Variants in SUPT3H observed in about 807,000 individuals in gnomAD.
SUPT3H encodes the protein transcription initiation protein SPT3 homolog.
SUPT3H carries 44 observed loss-of-function variants against 44.3 expected under a neutral mutation model. That is an observed-to-expected ratio of 0.99 (90% CI 0.78 to 1.28). The LOEUF (loss-of-function observed/expected upper bound fraction) is 1.28, where lower values mean the gene tolerates loss of function less well. Ranked by LOEUF, SUPT3H falls within the 50% of genes most tolerant of loss-of-function variation. SUPT3H has a pLI of 0.00. For missense variants in SUPT3H, 380 were observed against 387.1 expected, an observed-to-expected ratio of 0.98 and a Z score of 0.15; for synonymous variants, 124 against 125.6, an observed-to-expected ratio of 0.99 and a Z score of 0.09.
chr6:44,882,310 A>G (rs954658563), intron 10 of SUPT3H, among the ~76,000 whole-genome samples: 3 of 152,214 alleles, frequency 2.0e-5, no homozygotes, highest in South Asian at 4.1e-4. Context: ...TGCTGGACAC[A>G]TACACCCTCC....
chr6:44,956,534 G>T (rs1775249356), intron 7 of SUPT3H, among the ~76,000 whole-genome samples: 1 of 142,108 alleles, frequency 7.0e-6, no homozygotes. Flanking sequence ...TACCAGAATG[G>T]CTCAAAGTTG....
intron 2 of SUPT3H, among the ~76,000 whole-genome samples, chr6:45,312,715 C>G: frequency 7.4e-6 from 1 of 134,236 alleles, no homozygotes; most frequent in African/African-American, 2.9e-5. Context: ...ACTCCACTGA[C>G]AGCACTAGAC....
chr6:45,341,692 G>A (rs1355927472), intron 2 of SUPT3H, among the ~76,000 whole-genome samples: 3 of 152,030 alleles, frequency 2.0e-5, no homozygotes, highest in African/African-American at 7.2e-5. Flanking sequence ...AATAACTACG[G>A]AATAACAGAT....
intron 3 of SUPT3H, among the ~76,000 whole-genome samples, chr6:45,058,765 C>G (rs1433859717): frequency 2.0e-5 from 3 of 152,102 alleles, no homozygotes; most frequent in Non-Finnish European, 4.4e-5. Context: ...AAACTCACTA[C>G]GCATTATTTA....
chr6:45,130,707 A>C (rs1298352763), intron 2 of SUPT3H, among the ~76,000 whole-genome samples: 1 of 136,912 alleles, frequency 7.3e-6, no homozygotes, highest in Non-Finnish European at 1.6e-5. Flanking sequence ...CAAAAAAAAA[A>C]ACCACTTTTT....
intron 2 of SUPT3H, among the ~76,000 whole-genome samples, chr6:45,279,286 T>C (rs935661685): frequency 2.0e-5 from 3 of 152,204 alleles, no homozygotes; most frequent in Non-Finnish European, 4.4e-5. Flanking sequence ...AAAATGTACA[T>C]ATTTAATGAA....
At chr6:44,852,427 T>C (rs1381361602) in intron 10 of SUPT3H, among the ~76,000 whole-genome samples, 4 of 152,068 alleles carry the variant, frequency 2.6e-5, no homozygotes, top group Non-Finnish European at 4.4e-5. Flanking sequence ...GGAGGTCAAG[T>C]TTCAGCAGGG....
chr6:44,988,519 TAAAAAAA>T (rs66489332), intron 6 of SUPT3H, among the ~76,000 whole-genome samples: 24 of 100,190 alleles, frequency 2.4e-4, no homozygotes, highest in African/African-American at 9.0e-4. Flanking sequence ...AAGGCTTAAA[TAAAAAAA>T]AAAAAAAAAA....
chr6:45,013,395 G>A (rs1783782750), intron 5 of SUPT3H, among the ~76,000 whole-genome samples: 1 of 152,024 alleles, frequency 6.6e-6, no homozygotes, highest in African/African-American at 2.4e-5. Context: ...CAGTGACGTG[G>A]AAGAGCTGCA....
intron 2 of SUPT3H, among the ~76,000 whole-genome samples, chr6:45,263,598 G>A (rs922798689): frequency 3.3e-5 from 5 of 152,024 alleles, no homozygotes; most frequent in African/African-American, 1.2e-4. Flanking sequence ...ATTTACCCAC[G>A]TAACAAACCT....
At chr6:45,133,486 C>T (rs1253108588) in intron 2 of SUPT3H, among the ~76,000 whole-genome samples, 2 of 152,034 alleles carry the variant, frequency 1.3e-5, no homozygotes, top group Non-Finnish European at 2.9e-5. Flanking sequence ...TAAGATTGAT[C>T]CAGTCCTGCT....
intron 2 of SUPT3H, among the ~76,000 whole-genome samples, chr6:45,132,255 TGA>T (rs983954499): frequency 6.6e-6 from 1 of 152,170 alleles, no homozygotes; most frequent in East Asian, 1.9e-4. Flanking sequence ...CTGTCCAAAC[TGA>T]GAGAGAGGAA....
At chr6:45,155,095 T>C (rs181014233) in intron 2 of SUPT3H, among the ~76,000 whole-genome samples, 232 of 152,314 alleles carry the variant, frequency 1.5e-3, no homozygotes, top group African/African-American at 5.4e-3. Flanking sequence ...CTGGGCTCAT[T>C]AGAATGTGTG....
At chr6:45,343,235 T>C (rs1581735895) in intron 2 of SUPT3H, among the ~76,000 whole-genome samples, 1 of 151,920 alleles carries the variant, frequency 6.6e-6, no homozygotes, top group East Asian at 1.9e-4. Flanking sequence ...CTCAGCCGGG[T>C]GCAGTGGCTC....
At chr6:45,059,004 T>C (rs1791559218) in intron 3 of SUPT3H, among the ~76,000 whole-genome samples, 1 of 152,150 alleles carries the variant, frequency 6.6e-6, no homozygotes, top group African/African-American at 2.4e-5. Context: ...CTTATATTTA[T>C]AATATAGGTG....
At chr6:45,158,298 A>ATATATATATATTTTTTTTTTT in intron 2 of SUPT3H, among the ~76,000 whole-genome samples, 7 of 99,694 alleles carry the variant, frequency 7.0e-5, no homozygotes, top group African/African-American at 3.5e-4. Flanking sequence ...ATATATATAT[A>ATATATATATATTTTTTTTTTT]TTTTTTTTTT....
chr6:45,001,689 A>G (rs1782030899), intron 6 of SUPT3H, among the ~76,000 whole-genome samples: 1 of 152,062 alleles, frequency 6.6e-6, no homozygotes, highest in African/African-American at 2.4e-5. Context: ...CATACATGCT[A>G]GGGGAGAAGG....
At chr6:45,172,389 C>T (rs1399317328) in intron 2 of SUPT3H, among the ~76,000 whole-genome samples, 2 of 151,750 alleles carry the variant, frequency 1.3e-5, no homozygotes, top group East Asian at 3.9e-4. Context: ...TCTTCATAGT[C>T]TATAAAATAT....
intron 3 of SUPT3H, among the ~76,000 whole-genome samples, chr6:45,069,641 G>C (rs1794064716): frequency 6.6e-6 from 1 of 152,072 alleles, no homozygotes; most frequent in African/African-American, 2.4e-5. Context: ...AGTTTTAAAA[G>C]ATTAACTGCT....
Sources: gnomAD v4.1 joint callset for allele counts (sites outside exome capture counted in the v4.1 genomes callset) on GRCh38, gnomAD v4.1.1 for gene constraint, MANE v1.5 for transcripts, NCBI Gene and HGNC (gene_info 2026-07-23, HGNC 2026-07-21) for gene names.